Variants in CADPS2 observed in about 807,000 individuals in gnomAD.
CADPS2 encodes the protein calcium-dependent secretion activator 2.
Under a neutral mutation model 172.5 loss-of-function variants are expected in CADPS2, and 93 were observed. The ratio of observed to expected loss-of-function variants is 0.54; its 90% CI spans 0.46 to 0.64. CADPS2 has a LOEUF of 0.64. Ranked by LOEUF, CADPS2 falls within the 30% of genes least tolerant of loss-of-function variation. CADPS2 has a pLI of 0.00. For synonymous variants in CADPS2, 546 were observed against 555.2 expected, an observed-to-expected ratio of 0.98 and a Z score of 0.23; for missense variants, 1,420 against 1,565.9, an observed-to-expected ratio of 0.91 and a Z score of 1.57.
At chr7:122,800,943 G>A (rs1246991845) in intron 1 of CADPS2, among the ~76,000 whole-genome samples, 2 of 146,342 alleles carry the variant, frequency 1.4e-5, no homozygotes, top group Admixed American at 6.9e-5. Context: ...GGTGAGCCAA[G>A]ATTGTGCCAC....
chr7:122,788,910 T>G (rs1234910599), intron 1 of CADPS2, among the ~76,000 whole-genome samples: 1 of 152,170 alleles, frequency 6.6e-6, no homozygotes, highest in Non-Finnish European at 1.5e-5. Context: ...GCTTCAGCAA[T>G]GAAAACAGTT....
At chr7:122,410,762 G>A (rs2047207383) in intron 19 of CADPS2, among the ~76,000 whole-genome samples, 2 of 152,238 alleles carry the variant, frequency 1.3e-5, no homozygotes, top group Admixed American at 1.3e-4. Flanking sequence ...ACAAATATGT[G>A]TTGAAATTCA....
intron 6 of CADPS2, among the ~76,000 whole-genome samples, chr7:122,594,076 T>C (rs888885294): frequency 7.2e-5 from 11 of 152,072 alleles, no homozygotes; most frequent in African/African-American, 2.4e-4. Flanking sequence ...GGGAGGATCT[T>C]TTAAAAACAC....
intron 11 of CADPS2, 139 bp downstream of exon 11, chr7:122,489,942 T>G: frequency 1.4e-6 from 1 of 690,782 alleles, no homozygotes; most frequent in South Asian, 2.0e-5. Context: ...AGTGATTATG[T>G]GACTACTAAT....
chr7:122,693,854 C>G (rs940986805), intron 2 of CADPS2, among the ~76,000 whole-genome samples: 4 of 152,092 alleles, frequency 2.6e-5, no homozygotes, highest in African/African-American at 9.7e-5. Context: ...TAATCAGCTA[C>G]TTGGGAGGCT....
intron 2 of CADPS2, among the ~76,000 whole-genome samples, chr7:122,723,330 A>G (rs186839433): frequency 6.6e-6 from 1 of 152,286 alleles, no homozygotes; most frequent in East Asian, 1.9e-4. Context: ...AAACAAATTT[A>G]CAAGAAAAAA....
At chr7:122,486,119 T>A (rs1422108394) in intron 11 of CADPS2, among the ~76,000 whole-genome samples, 1 of 152,144 alleles carries the variant, frequency 6.6e-6, no homozygotes, top group East Asian at 1.9e-4. Context: ...TAATGTTGTT[T>A]TCATGCTTGC....
intron 7 of CADPS2, among the ~76,000 whole-genome samples, chr7:122,567,975 TA>T (rs1163180355): frequency 6.6e-6 from 1 of 152,096 alleles, no homozygotes; most frequent in African/African-American, 2.4e-5. Flanking sequence ...ATAACCCAGT[TA>T]AAAGGCAGAG....
chr7:122,493,403 C>G (rs1362653415), intron 9 of CADPS2, among the ~76,000 whole-genome samples: 4 of 152,154 alleles, frequency 2.6e-5, no homozygotes, highest in Non-Finnish European at 5.9e-5. Flanking sequence ...CTGCTCCTCT[C>G]TGCTCTTCTA....
intron 7 of CADPS2, among the ~76,000 whole-genome samples, chr7:122,565,443 G>T (rs907578709): frequency 1.3e-5 from 2 of 152,104 alleles, no homozygotes; most frequent in African/African-American, 4.8e-5. Context: ...AATGATTCAT[G>T]GGCAGAAGAG....
intron 1 of CADPS2, among the ~76,000 whole-genome samples, chr7:122,850,590 G>C (rs1262979094): frequency 6.6e-6 from 1 of 152,164 alleles, no homozygotes; most frequent in African/African-American, 2.4e-5. Context: ...CTGGAAAGAA[G>C]GGAGCTGGGG....
chr7:122,771,271 A>G (rs150658746), intron 1 of CADPS2, among the ~76,000 whole-genome samples: 1,913 of 152,326 alleles, frequency 0.013, 18 homozygotes, highest in South Asian at 0.021. Flanking sequence ...AATGCTTTGT[A>G]AAAGGATTAG....
chr7:122,783,422 C>T (rs563523910), intron 1 of CADPS2, among the ~76,000 whole-genome samples: 1 of 152,078 alleles, frequency 6.6e-6, no homozygotes, highest in Non-Finnish European at 1.5e-5. Flanking sequence ...TACTATTTTT[C>T]CTGCCGCAGC....
intron 19 of CADPS2, among the ~76,000 whole-genome samples, chr7:122,408,966 A>C (rs1299043418): frequency 1.3e-5 from 2 of 152,256 alleles, no homozygotes; most frequent in Admixed American, 6.5e-5. Flanking sequence ...GTAGTATAAA[A>C]TAATAGATTT....
At chr7:122,447,261 G>A (rs1417883597) in intron 15 of CADPS2, among the ~76,000 whole-genome samples, 1 of 151,900 alleles carries the variant, frequency 6.6e-6, no homozygotes, top group South Asian at 2.1e-4. Flanking sequence ...ACTTATATTT[G>A]TTTTTGATGT....
chr7:122,554,184 TTAAC>T (rs138428194), intron 8 of CADPS2, among the ~76,000 whole-genome samples: 35,353 of 151,970 alleles, frequency 0.23, 4,946 homozygotes, highest in Middle Eastern at 0.33. Context: ...CTATGGAAGT[TTAAC>T]TATTTCTAGG....
chr7:122,355,202 A>G (rs2039223695), intron 27 of CADPS2, among the ~76,000 whole-genome samples: 1 of 152,218 alleles, frequency 6.6e-6, no homozygotes, highest in Non-Finnish European at 1.5e-5. Context: ...TGTTCTAGGA[A>G]CATGAATTCC....
In CADPS2 at chr7:122,345,681, TC is replaced by T. The variant is rs759168115; in HGVS notation, c.3505-1del. 6.3e-7 allele frequency: 1 copy of T among 1,599,182 alleles called. No homozygotes were observed. Among genetic ancestry groups the T allele is most frequent in the South Asian group, 1.1e-5 (1 of 89,586 alleles). ...GTGTCTGCCAGATCCATTCCTGGTT[TC>T]TGTTGTGAAGGAAAAGCAGGGGGAA... On this transcript the variant is annotated splice_acceptor_variant, in intron 27 of 29. Coordinates refer to ENST00000449022, the MANE Select transcript of CADPS2 (RefSeq NM_017954.11). LOFTEE classifies it high-confidence loss of function.
intron 25 of CADPS2, among the ~76,000 whole-genome samples, chr7:122,376,880 G>A (rs1046316320): frequency 1.3e-5 from 2 of 152,052 alleles, no homozygotes; most frequent in Non-Finnish European, 2.9e-5. Flanking sequence ...TTTTCTGTCT[G>A]TTAATATCTC....
Sources: gnomAD v4.1 joint callset for allele counts (sites outside exome capture counted in the v4.1 genomes callset) on GRCh38, gnomAD v4.1.1 for gene constraint, MANE v1.5 for transcripts, NCBI Gene and HGNC (gene_info 2026-07-23, HGNC 2026-07-21) for gene names.